SRRM1: variants seen among roughly 807,000 people sequenced by gnomAD.
SRRM1 encodes serine/arginine repetitive matrix protein 1.
Under a neutral mutation model 110.2 loss-of-function variants are expected in SRRM1, and 19 were observed. That is an observed-to-expected ratio of 0.17 (90% CI 0.12 to 0.25). The LOEUF (loss-of-function observed/expected upper bound fraction) is 0.25, where lower values mean the gene tolerates loss of function less well. Among genes scored for constraint, SRRM1 ranks in the 10% least tolerant of loss-of-function variants. The pLI is 1.00. For missense variants in SRRM1, 918 were observed against 1,145.8 expected, an observed-to-expected ratio of 0.80 and a Z score of 2.87; for synonymous variants, 443 against 414.9, an observed-to-expected ratio of 1.07 and a Z score of -0.82.
At chr1:24,672,057 G>C (rs1673051894) in intron 16 of SRRM1, 125 bp from the exon 17 acceptor site, 1 of 675,698 alleles carries the variant, frequency 1.5e-6, no homozygotes, top group Admixed American at 2.7e-5. Flanking sequence ...ATCCCTCCCT[G>C]CTCCCCCTAC....
chr1:24,660,776 G>C lies in SRRM1; in HGVS notation c.1373G>C (p.Arg458Thr), dbSNP rs746261660. 6.3e-7 allele frequency: 1 copy of C among 1,595,410 alleles called. No homozygotes were observed. Among genetic ancestry groups the C allele is most frequent in the East Asian group, 2.3e-5 (1 of 44,314 alleles). Residue 458 changes from arginine (R) to threonine (T), a missense_variant, in exon 10 of 17, where the codon AGA (arginine) becomes ACA (threonine). Arg to Thr is a moderately conservative substitution (Grantham distance 71). Around this residue, in one of 5 missense-constraint regions of SRRM1, gnomAD observed 456 missense variants for 453.5 expected, o/e 1.01. Coordinates refer to ENST00000323848, the MANE Select transcript of SRRM1 (RefSeq NM_005839.4). Reference sequence around the variant, plus strand: ...TCCCCTTCACCAGCACCGAAGCCTAGAAAAGTAGAGTTATCTGAATCGGGT... The same window carrying C: ...TCCCCTTCACCAGCACCGAAGCCTACAAAAGTAGAGTTATCTGAATCGGGT... Reference protein sequence around the residue: ...RESPSPAPKPRKVELSESEED... With the variant: ...RESPSPAPKPTKVELSESEED...
rs541246303 is a variant in SRRM1 at position 24,651,520 on chromosome 1, C to G, written c.633C>G (p.Ser211=). ...PRHRTKSRSP[S]PAPEKKEKTP... ...ACAGAACCAAGAGCCGGAGTCCTTC[C>G]CCTGCTCCAGAAAAGAAGGAAAAAA... The change falls in exon 6 of 17, where the codon TCC becomes TCG. Residue 211 remains serine (S), a synonymous_variant. Transcript: ENST00000323848. 6.2e-7 allele frequency: 1 copy of G among 1,614,102 alleles called. No individual in the cohort carries two copies. The highest frequency in any genetic ancestry group is 1.1e-5 in the South Asian group (1 of 91,082).
At chr1:24,643,461 G>A (rs1654920286) in intron 1 of SRRM1, 114 bp downstream of exon 1, 8 of 868,050 alleles carry the variant, frequency 9.2e-6, no homozygotes, top group Non-Finnish European at 1.3e-5. Context: ...AGATCTTAAG[G>A]ATTCCTCCTA....
Position 24,670,648 on chromosome 1 carries a change from C to T in SRRM1, c.2400+333C>T, listed in dbSNP as rs572378874. Among the ~76,000 whole-genome samples the T allele has an allele frequency of 6.6e-5, 10 of 152,270 alleles. No homozygotes were observed. In the South Asian group the frequency reaches 2.1e-3, roughly 32 times the overall value. ...CTGGGATTATAGGCACATGCTGCTA[C>T]ACCTGGCTGGTTTTTTGTTTTTAAC... On this transcript the variant is annotated intron_variant, in intron 15 of 16. Transcript: ENST00000323848.
Position 24,669,128 on chromosome 1 carries a change from C to T in SRRM1, c.1745C>T (p.Pro582Leu). 1 of 1,606,018 alleles carries T rather than the reference C, an allele frequency of 6.2e-7. No individual in the cohort carries two copies. Among genetic ancestry groups the T allele is most frequent in the South Asian group, 1.1e-5 (1 of 90,830 alleles). ...ATTATGTATCTTTTTCCTAGGACTC[C>T]TTCTCCTCCCCCACGTCGGCGCTCA... is the stretch of plus-strand genomic sequence containing the variant. ...TPTPPPRRRT[P>L]SPPPRRRSPS... The change falls in exon 14 of 17, where the codon CCT (proline) becomes CTT (leucine). Residue 582 changes from proline (P) to leucine (L), a missense_variant. Transcript: ENST00000323848.
intron 1 of SRRM1, 102 bp from the exon 2 acceptor site, chr1:24,645,882 G>T: frequency 1.2e-6 from 1 of 820,092 alleles, no homozygotes. Flanking sequence ...GTTTGGTATT[G>T]TGTTTACTTG....
chr1:24,650,020 A>G lies in SRRM1; in HGVS notation c.455A>G (p.Asp152Gly), dbSNP rs759334764. The G allele has an allele frequency of 6.3e-7, 1 of 1,599,160 alleles. No individual in the cohort carries two copies. Among genetic ancestry groups the G allele is most frequent in the South Asian group, 1.1e-5 (1 of 87,826 alleles). ...ASMKKQDEDK[D>G]KRDKEEKESS... Reference sequence around the variant, plus strand: ...ATGAAAAAGCAAGATGAAGACAAAGATAAAAGAGATAAGGAAGAAAAAGAA... The same window carrying G: ...ATGAAAAAGCAAGATGAAGACAAAGGTAAAAGAGATAAGGAAGAAAAAGAA... The change falls in exon 5 of 17, where the codon GAT becomes GGT. Residue 152 changes from aspartate to glycine, a missense_variant. Transcript: ENST00000323848.
Position 24,669,481 on chromosome 1 carries a change from G to A in SRRM1, c.2098G>A (p.Val700Ile), listed in dbSNP as rs142386020. ...APQTSSSPPP[V>I]RRGASSSPQR... The stretch of plus-strand genomic sequence containing the variant: ...TCAGACCTCCTCAAGTCCTCCACCC[G>A]TTCGAAGAGGAGCGTCGTCATCACC... The change falls in exon 14 of 17, where the codon GTT (valine) becomes ATT (isoleucine). Residue 700 changes from valine to isoleucine, a missense_variant. This residue lies in a region of SRRM1 where 357 missense variants were observed against 402.9 expected (regional missense o/e 0.89). Coordinates refer to ENST00000323848, the MANE Select transcript of SRRM1 (RefSeq NM_005839.4). The A allele has an allele frequency of 4.8e-5, 78 of 1,613,038 alleles. No homozygotes were observed. Among genetic ancestry groups the A allele is most frequent in the East Asian group, 3.3e-4 (15 of 44,842 alleles).
At chr1:24,646,848 G>A in intron 3 of SRRM1, 59 bp downstream of exon 3, 1 of 1,442,000 alleles carries the variant, frequency 6.9e-7, no homozygotes, top group Non-Finnish European at 9.3e-7. Flanking sequence ...TGAATCTTTG[G>A]AAACTGAATT....
Position 24,654,874 on chromosome 1 carries a change from T to A in SRRM1, c.1060T>A (p.Ser354Thr). ...CCACAGAAGAAGACGTTCGTCAGCATCCTTGTCTGGGAGTAGCTCATCATC... is the reference window on the plus strand; with the variant it reads ...CCACAGAAGAAGACGTTCGTCAGCAACCTTGTCTGGGAGTAGCTCATCATC... ...PVRRRRRSSA[S>T]LSGSSSSSSS... Residue 354 changes from serine to threonine, a missense_variant, in exon 9 of 17, where the codon TCC (serine) becomes ACC (threonine). Coordinates refer to ENST00000323848, the MANE Select transcript of SRRM1 (RefSeq NM_005839.4). 6.2e-7 allele frequency: 1 copy of A among 1,614,244 alleles called. No individual in the cohort carries two copies. Among genetic ancestry groups the A allele is most frequent in the South Asian group, 1.1e-5 (1 of 91,088 alleles).
intron 1 of SRRM1, 169 bp downstream of exon 1, chr1:24,643,516 G>C (rs1219457505): frequency 3.6e-6 from 2 of 550,188 alleles, no homozygotes; most frequent in African/African-American, 4.6e-5. Context: ...GGCGGAGACC[G>C]GTGCGCCCCT....
chr1:24,669,900 TAAG>T (rs1671874479), intron 14 of SRRM1: 2 of 561,484 alleles, frequency 3.6e-6, no homozygotes, highest in Non-Finnish European at 6.2e-6. Context: ...TAATCTTACA[TAAG>T]AAGCATCATT....
chr1:24,653,133 G>C lies in SRRM1; in HGVS notation c.1040+101G>C, dbSNP rs112719600. ...TTAGTGTCCCCTGGAAGAAAGAACT[G>C]ATAGGTGATATTAGACAATGTCTTC... On this transcript the variant is annotated intron_variant, in intron 8 of 16. Coordinates refer to ENST00000323848, the MANE Select transcript of SRRM1 (RefSeq NM_005839.4). The C allele has an allele frequency of 2.5e-4, 280 of 1,119,826 alleles. 1 individual carries two copies. In the African/African-American group the frequency reaches 3.6e-3, roughly 15 times the overall value. 69.4% of individuals were successfully genotyped at this position (1,119,826 alleles called of 1,614,324 possible).
intron 1 of SRRM1, among the ~76,000 whole-genome samples, chr1:24,644,400 T>C (rs1252153174): frequency 6.6e-6 from 1 of 152,196 alleles, no homozygotes; most frequent in Non-Finnish European, 1.5e-5. Flanking sequence ...AGCCAATATA[T>C]CCGTTTTCTG....
intron 12 of SRRM1, 186 bp from the exon 13 acceptor site, chr1:24,666,629 A>G (rs1670120187): frequency 1.9e-6 from 1 of 514,048 alleles, no homozygotes; most frequent in Non-Finnish European, 3.6e-6. Context: ...GCCAGGCATG[A>G]TTATGGGTGC....
intron 2 of SRRM1, 95 bp from the exon 3 acceptor site, chr1:24,646,572 C>A: frequency 2.3e-5 from 23 of 1,013,710 alleles, no homozygotes; most frequent in South Asian, 3.8e-5. Context: ...AACAAAAAAA[C>A]TAAGCTAAAA....
intron 11 of SRRM1, among the ~76,000 whole-genome samples, chr1:24,662,454 G>A (rs1667752805): frequency 6.6e-6 from 1 of 152,116 alleles, no homozygotes. Context: ...GGATTACACT[G>A]TGGAAATTAT....
At chr1:24,666,992 A>G in intron 13 of SRRM1, 67 bp downstream of exon 13, 1 of 933,440 alleles carries the variant, frequency 1.1e-6, no homozygotes, top group South Asian at 1.6e-5. Flanking sequence ...ACATCAGATG[A>G]GTAATGGTGC....
intron 13 of SRRM1, 112 bp downstream of exon 13, chr1:24,667,037 CAT>C: frequency 4.7e-6 from 3 of 632,684 alleles, no homozygotes; most frequent in Non-Finnish European, 8.3e-6. Context: ...AGGCACAGCT[CAT>C]GTGTGCATGT....
Sources: allele counts gnomAD v4.1 joint callset (sites outside exome capture counted in the v4.1 genomes callset), GRCh38; gene constraint gnomAD v4.1.1; regional missense constraint gnomAD v4.1.1; transcripts MANE v1.5; gene names NCBI Gene and HGNC (gene_info 2026-07-23, HGNC 2026-07-21).